Variants in ESR1 observed in about 807,000 individuals in gnomAD.
ESR1 encodes estrogen receptor.
ESR1 carries 12 observed loss-of-function variants against 52.7 expected under a neutral mutation model. The ratio of observed to expected loss-of-function variants is 0.23; its 90% confidence interval spans 0.15 to 0.37. The LOEUF is 0.37. Ranked by LOEUF, ESR1 falls within the 10% of genes least tolerant of loss-of-function variation. ESR1 has a pLI of 1.00. For missense variants in ESR1, 584 were observed against 779.7 expected, an observed-to-expected ratio of 0.75 and a Z score of 2.99; for synonymous variants, 305 against 316.8, an observed-to-expected ratio of 0.96 and a Z score of 0.39.
intron 3 of ESR1, among the ~76,000 whole-genome samples, chr6:151,904,248 T>G (rs4869748): frequency 0.52 from 79,586 of 152,008 alleles, 22,846 homozygotes; most frequent in Middle Eastern, 0.74. Flanking sequence ...AATAAAACTG[T>G]GCACTCCTTT....
At chr6:151,980,450 A>G (rs535877943) in intron 4 of ESR1, among the ~76,000 whole-genome samples, 1 of 152,332 alleles carries the variant, frequency 6.6e-6, no homozygotes, top group South Asian at 2.1e-4. Context: ...AATAAAGGAA[A>G]CAACATATGT....
intron 2 of ESR1, among the ~76,000 whole-genome samples, chr6:151,798,260 G>A (rs1311659232): frequency 1.3e-5 from 2 of 152,136 alleles, no homozygotes; most frequent in Non-Finnish European, 2.9e-5. Flanking sequence ...ATGTTGAATA[G>A]AGATTGGATA....
At chr6:151,976,926 A>G (rs929674292) in intron 4 of ESR1, among the ~76,000 whole-genome samples, 2 of 152,148 alleles carry the variant, frequency 1.3e-5, no homozygotes, top group Non-Finnish European at 2.9e-5. Context: ...ACCACTAAAT[A>G]TAGTAAGGGA....
chr6:152,047,956 A>ATTTT (rs71017517), intron 5 of ESR1, among the ~76,000 whole-genome samples: 3 of 67,780 alleles, frequency 4.4e-5, no homozygotes, highest in Non-Finnish European at 5.6e-5. Context: ...CTCCTCAAGC[A>ATTTT]TTTTTTTTTT....
At chr6:151,692,088 G>A (rs3020335) in intron 1 of ESR1, among the ~76,000 whole-genome samples, 1 of 152,104 alleles carries the variant, frequency 6.6e-6, no homozygotes, top group East Asian at 1.9e-4. Flanking sequence ...TTGGAGATAC[G>A]TGTTTCATTT....
chr6:151,951,945 C>T (rs1421268039), intron 4 of ESR1, among the ~76,000 whole-genome samples: 1 of 152,170 alleles, frequency 6.6e-6, no homozygotes, highest in Non-Finnish European at 1.5e-5. Flanking sequence ...CCATTGGGTC[C>T]TCTTCTTCAC....
At chr6:151,824,588 G>T (rs1199163084) in intron 1 of ESR1, among the ~76,000 whole-genome samples, 1 of 152,144 alleles carries the variant, frequency 6.6e-6, no homozygotes, top group Admixed American at 6.5e-5. Context: ...TTTTCTTCTA[G>T]GGTTTTTATG....
At chr6:151,750,891 G>A (rs752229153) in intron 2 of ESR1, among the ~76,000 whole-genome samples, 3 of 152,142 alleles carry the variant, frequency 2.0e-5, no homozygotes, top group Non-Finnish European at 4.4e-5. Flanking sequence ...GTTTCAGAAG[G>A]CCAAGGATTA....
At chr6:151,759,904 A>G (rs979923202) in intron 2 of ESR1, among the ~76,000 whole-genome samples, 1 of 152,190 alleles carries the variant, frequency 6.6e-6, no homozygotes, top group Admixed American at 6.5e-5. Context: ...TTGCCATTCA[A>G]AGTAATGGCA....
intron 2 of ESR1, among the ~76,000 whole-genome samples, chr6:151,785,584 T>C (rs1786942783): frequency 6.6e-6 from 1 of 152,196 alleles, no homozygotes; most frequent in Non-Finnish European, 1.5e-5. Flanking sequence ...TTTGAATGAT[T>C]CCAGGACAAA....
At position 152,125,308 on chromosome 6, in the gene ESR1, A is replaced by G. The variant is rs767753827; in HGVS notation, c.893A>G (p.His298Arg). The G allele has an allele frequency of 5.2e-6, 8 of 1,550,468 alleles. No individual in the cohort carries two copies. In the South Asian group the frequency reaches 8.3e-5, roughly 16 times the overall value. Residue 298 changes from histidine (H) to arginine (R), a missense_variant, in exon 7 of 7, where the codon CAT becomes CGT. Physicochemically the swap from His to Arg is conservative, Grantham distance 29. Coordinates refer to the ESR1 transcript ENST00000427531. ...GCAAAGAAGAGAATCCTGAACTTGC[A>G]TCCTAAAATATTTGGAAACAAGTGG... is the stretch of plus-strand genomic sequence containing the variant.
At chr6:152,054,558 A>G (rs1487047949) in intron 5 of ESR1, among the ~76,000 whole-genome samples, 5 of 152,016 alleles carry the variant, frequency 3.3e-5, no homozygotes, top group Non-Finnish European at 7.4e-5. Context: ...AAAAGTGTTT[A>G]CGTGATCGTG....
chr6:151,838,611 C>G (rs562672475), intron 1 of ESR1, among the ~76,000 whole-genome samples: 33 of 152,150 alleles, frequency 2.2e-4, no homozygotes, highest in African/African-American at 7.5e-4. Flanking sequence ...GTCTTGGAGC[C>G]CAGAGGAAGA....
At chr6:151,908,326 T>C (rs1797760912) in intron 3 of ESR1, among the ~76,000 whole-genome samples, 1 of 152,180 alleles carries the variant, frequency 6.6e-6, no homozygotes, top group Non-Finnish European at 1.5e-5. Flanking sequence ...CATTATTGTA[T>C]CTTGCTGATA....
At chr6:151,811,389 A>G (rs558815572) in intron 1 of ESR1, 1 of 152,328 alleles carries the variant, frequency 6.6e-6, no homozygotes, top group South Asian at 2.1e-4. Context: ...TAACTATATC[A>G]ACTATCCTTT....
intron 5 of ESR1, among the ~76,000 whole-genome samples, chr6:152,026,240 C>T (rs2044138133): frequency 6.6e-6 from 1 of 151,894 alleles, no homozygotes; most frequent in Non-Finnish European, 1.5e-5. Flanking sequence ...ATAATTTTTG[C>T]TTAATGAAAA....
chr6:151,873,376 T>G (rs951440008), intron 2 of ESR1, among the ~76,000 whole-genome samples: 1 of 152,194 alleles, frequency 6.6e-6, no homozygotes, highest in Non-Finnish European at 1.5e-5. Flanking sequence ...TATAACACAC[T>G]TCCTGGCATG....
At chr6:152,023,891 G>A (rs981744097) in intron 5 of ESR1, among the ~76,000 whole-genome samples, 51 of 152,148 alleles carry the variant, frequency 3.4e-4, no homozygotes, top group Non-Finnish European at 6.5e-4. Flanking sequence ...TACCAAATAC[G>A]ACTCCCTTAC....
intron 6 of ESR1, among the ~76,000 whole-genome samples, chr6:152,067,136 G>T (rs937346241): frequency 6.6e-6 from 1 of 152,204 alleles, no homozygotes; most frequent in Non-Finnish European, 1.5e-5. Flanking sequence ...CAGGTTAAAA[G>T]ATTGCATTCC....
Sources: allele counts gnomAD v4.1 joint callset (sites outside exome capture counted in the v4.1 genomes callset), GRCh38; gene constraint gnomAD v4.1.1; transcripts MANE v1.5; gene names NCBI Gene and HGNC (gene_info 2026-07-23, HGNC 2026-07-21).